GNG7: variants seen among roughly 807,000 people sequenced by gnomAD.
GNG7 encodes the protein G protein subunit gamma 7.
In GNG7, 1 loss-of-function variant was observed where a neutral mutation model predicts 4.0. The ratio of observed to expected loss-of-function variants is 0.25; its 90% CI spans 0.09 to 1.18. The LOEUF (loss-of-function observed/expected upper bound fraction) is 1.18, where lower values mean the gene tolerates loss of function less well. Ranked by LOEUF, GNG7 falls within the 50% of genes most tolerant of loss-of-function variation. GNG7 has a pLI of 0.50. For synonymous variants in GNG7, 34 were observed against 36.9 expected, an observed-to-expected ratio of 0.92 and a Z score of 0.29; for missense variants, 86 against 91.9, an observed-to-expected ratio of 0.94 and a Z score of 0.26.
intron 3 of GNG7, among the ~76,000 whole-genome samples, chr19:2,528,988 T>C (rs1297745761): frequency 6.6e-6 from 1 of 152,216 alleles, no homozygotes; most frequent in Non-Finnish European, 1.5e-5. Flanking sequence ...CCCGGAGCTC[T>C]TGAGAAATCT....
chr19:2,538,226 A>G (rs372333530), intron 3 of GNG7: 13 of 456,656 alleles, frequency 2.8e-5, no homozygotes, highest in African/African-American at 1.2e-4. Context: ...CACGAGCATC[A>G]GGAATAAGGA....
chr19:2,587,362 G>A (rs1261109456), intron 2 of GNG7, among the ~76,000 whole-genome samples: 4 of 152,116 alleles, frequency 2.6e-5, no homozygotes, highest in South Asian at 2.1e-4. Context: ...GCTCACCCAC[G>A]TTCTCAGGTC....
intron 3 of GNG7, among the ~76,000 whole-genome samples, chr19:2,531,303 C>CAAAAAAAAAAA (rs58133235): frequency 2.1e-5 from 2 of 95,072 alleles, no homozygotes; most frequent in African/African-American, 4.5e-5. Context: ...GATTCCGTCT[C>CAAAAAAAAAAA]AAAAAAAAAA....
At chr19:2,538,768 CT>C (rs777804744) in intron 3 of GNG7, 7 of 366,010 alleles carry the variant, frequency 1.9e-5, no homozygotes, top group South Asian at 4.0e-5. Context: ...ATATATTTTT[CT>C]TTTTTTTCTT....
At chr19:2,686,397 A>T (rs962368221) in intron 1 of GNG7, among the ~76,000 whole-genome samples, 2 of 152,130 alleles carry the variant, frequency 1.3e-5, no homozygotes, top group Admixed American at 1.3e-4. Context: ...GCCTCAGGTG[A>T]TCCACCCACC....
intron 2 of GNG7, among the ~76,000 whole-genome samples, chr19:2,621,733 GGAGACACA>G (rs1188271425): frequency 6.6e-6 from 1 of 151,538 alleles, no homozygotes; most frequent in Non-Finnish European, 1.5e-5. Flanking sequence ...AAACAAAGAA[GGAGACACA>G]GAGAGACAGC....
At chr19:2,576,294 C>T (rs944009749) in intron 2 of GNG7, among the ~76,000 whole-genome samples, 33 of 152,334 alleles carry the variant, frequency 2.2e-4, no homozygotes, top group African/African-American at 7.2e-4. Context: ...ACAAACATGC[C>T]GGGTTGATTC....
Position 2,514,968 on chromosome 19 carries a change from CAGAGAGAGAGAGAGAGAA to C in GNG7, c.*36_*53del, listed in dbSNP as rs1317860872. 4.8e-6 allele frequency: 6 copies of C among 1,238,740 alleles called. No homozygotes were observed. In the African/African-American group the frequency reaches 6.0e-5, roughly 12 times the overall value. The allele number at this position is 1,238,740 out of a possible 1,614,324, so 76.7% of individuals were successfully genotyped here. A position where few individuals can be genotyped will look rare whatever the true frequency, so the allele number is the denominator to read the frequency against. Reference sequence around the variant, plus strand: ...GCCCTGCCTGAGACAGAGACAGAGACAGAGAGAGAGAGAGAGAAAGAGAGAGAGAGAGAGAGAACATAT... The same window carrying C: ...GCCCTGCCTGAGACAGAGACAGAGACAGAGAGAGAGAGAGAGAGAACATAT... On this transcript the variant is annotated 3_prime_UTR_variant, in exon 5 of 5. Coordinates refer to ENST00000382159, the MANE Select transcript of GNG7 (RefSeq NM_052847.3).
chr19:2,565,003 CA>C (rs1979857357), intron 2 of GNG7, among the ~76,000 whole-genome samples: 1 of 151,392 alleles, frequency 6.6e-6, no homozygotes, highest in South Asian at 2.1e-4. Context: ...CCACTCTGGT[CA>C]ACACAGTGAG....
intron 3 of GNG7, among the ~76,000 whole-genome samples, chr19:2,553,741 A>G (rs1979436741): frequency 6.7e-6 from 1 of 148,976 alleles, no homozygotes; most frequent in Admixed American, 6.8e-5. Context: ...TATTACATGC[A>G]ATATATTACA....
chr19:2,568,652 CACATATACACAT>C (rs1453413305), intron 2 of GNG7, among the ~76,000 whole-genome samples: 1 of 122,484 alleles, frequency 8.2e-6, no homozygotes, highest in Non-Finnish European at 1.8e-5. Context: ...TACACAAATA[CACATATACACAT>C]ACACATACAC....
chr19:2,624,231 TA>T (rs950004600), intron 2 of GNG7, among the ~76,000 whole-genome samples: 1 of 151,230 alleles, frequency 6.6e-6, no homozygotes, highest in African/African-American at 2.4e-5. Context: ...TTACCACAAT[TA>T]AAAAAAGAAA....
At chr19:2,578,350 C>A (rs1980405008) in intron 2 of GNG7, among the ~76,000 whole-genome samples, 1 of 152,090 alleles carries the variant, frequency 6.6e-6, no homozygotes, top group Non-Finnish European at 1.5e-5. Context: ...ACTCCTGACT[C>A]GCCCTGTTCT....
chr19:2,648,354 CCACTG>C (rs1982722977), intron 1 of GNG7, among the ~76,000 whole-genome samples: 1 of 151,584 alleles, frequency 6.6e-6, no homozygotes, highest in African/African-American at 2.4e-5. Flanking sequence ...TGCGATTGTG[CCACTG>C]CACTCCAGCC....
intron 2 of GNG7, among the ~76,000 whole-genome samples, chr19:2,583,212 C>A (rs1209714555): frequency 2.6e-5 from 4 of 152,096 alleles, no homozygotes; most frequent in Non-Finnish European, 4.4e-5. Context: ...AATAACTGTT[C>A]TTGAAAGCAA....
intron 2 of GNG7, among the ~76,000 whole-genome samples, chr19:2,566,545 C>G (rs1979914738): frequency 6.6e-6 from 1 of 152,226 alleles, no homozygotes. Context: ...GGGTCCGAGA[C>G]AGCAGACCAG....
intron 2 of GNG7, among the ~76,000 whole-genome samples, chr19:2,564,073 G>C (rs1027147456): frequency 6.6e-6 from 1 of 152,136 alleles, no homozygotes; most frequent in Non-Finnish European, 1.5e-5. Flanking sequence ...CTAAACAGGA[G>C]TGTAGCTAAT....
At chr19:2,698,491 G>T (rs1304423480) in intron 1 of GNG7, among the ~76,000 whole-genome samples, 1 of 152,014 alleles carries the variant, frequency 6.6e-6, no homozygotes, top group Non-Finnish European at 1.5e-5. Context: ...TTGAGCCCTG[G>T]AGGCGGAGGT....
At chr19:2,562,249 C>T (rs889698877) in intron 2 of GNG7, among the ~76,000 whole-genome samples, 17 of 151,794 alleles carry the variant, frequency 1.1e-4, no homozygotes, top group African/African-American at 3.6e-4. Flanking sequence ...CAGGAACACA[C>T]ATCTACAGCG....
Sources: allele counts gnomAD v4.1 joint callset (sites outside exome capture counted in the v4.1 genomes callset), GRCh38; gene constraint gnomAD v4.1.1; transcripts MANE v1.5; gene names NCBI Gene and HGNC (gene_info 2026-07-23, HGNC 2026-07-21).